The following BORCS5 variants were observed in gnomAD, a reference collection of about 807,000 sequenced individuals.
BORCS5 encodes the protein BLOC-1 related complex subunit 5.
In BORCS5, 17 loss-of-function variants were observed where a neutral mutation model predicts 22.1. That is an observed-to-expected ratio of 0.77 (90% CI 0.53 to 1.15). BORCS5 has a LOEUF of 1.15. BORCS5 is among the 50% of genes most tolerant of loss of function. The pLI is 0.00. For missense variants in BORCS5, 247 were observed against 253.2 expected (o/e 0.98, Z 0.17); for synonymous variants, 117 against 99.8 (o/e 1.17, Z -1.03).
chr12:12,370,438 C>T (rs1442848430), intron 2 of BORCS5, among the ~76,000 whole-genome samples: 1 of 152,122 alleles, frequency 6.6e-6, no homozygotes, highest in Non-Finnish European at 1.5e-5. Context: ...TCCATGAAAT[C>T]TCATTTTTTA....
At chr12:12,419,468 A>C (rs904328071) in intron 2 of BORCS5, among the ~76,000 whole-genome samples, 17 of 152,180 alleles carry the variant, frequency 1.1e-4, no homozygotes, top group African/African-American at 3.9e-4. Flanking sequence ...GGTTGGTTCC[A>C]AGTCTTTGCT....
chr12:12,362,235 A>G (rs1863302433), intron 2 of BORCS5, among the ~76,000 whole-genome samples: 1 of 152,198 alleles, frequency 6.6e-6, no homozygotes, highest in African/African-American at 2.4e-5. Flanking sequence ...AGCCTTTTAT[A>G]AGGCAGCTGG....
In BORCS5 at chr12:12,465,566, T is replaced by C. The variant is rs766389800; in HGVS notation, c.381T>C (p.Thr127=). The C allele has an allele frequency of 1.2e-6, 2 of 1,614,150 alleles. No homozygotes were observed. The highest frequency in any genetic ancestry group is 1.1e-5 in the South Asian group (1 of 91,074). ...CACAGATGGATCTGTCTGTAGAAAC[T>C]CTGTTCAGCTTCATGCAGGAGCGCC... is the stretch of plus-strand genomic sequence containing the variant. The part of the protein sequence containing the change: ...RIKEMDLSVE[T]LFSFMQERQK... Residue 127 remains threonine (T), a synonymous_variant, in exon 4 of 4, where the codon ACT becomes ACC. Coordinates refer to ENST00000314565, the MANE Select transcript of BORCS5 (RefSeq NM_058169.6).
At chr12:12,424,164 C>G (rs1446179697) in intron 2 of BORCS5, among the ~76,000 whole-genome samples, 1 of 152,106 alleles carries the variant, frequency 6.6e-6, no homozygotes, top group African/African-American at 2.4e-5. Flanking sequence ...TTTTGGGACT[C>G]CCACAATGCA....
At chr12:12,365,212 G>T (rs1863379033) in intron 2 of BORCS5, among the ~76,000 whole-genome samples, 1 of 152,066 alleles carries the variant, frequency 6.6e-6, no homozygotes, top group African/African-American at 2.4e-5. Context: ...TCGGGGATTT[G>T]GTTAAGGAAG....
chr12:12,466,066 A>C lies in BORCS5; in HGVS notation c.*290A>C, dbSNP rs1943196490. 5.1e-6 allele frequency: 1 copy of C among 194,968 alleles called. No individual in the cohort carries two copies. Among genetic ancestry groups the C allele is most frequent in the Non-Finnish European group, 8.6e-6 (1 of 115,974 alleles). The allele number at this position is 194,968 out of a possible 1,614,324, so 12.1% of individuals were successfully genotyped here. On this transcript the variant is annotated 3_prime_UTR_variant, in exon 4 of 4. Transcript: ENST00000314565. Reference sequence around the variant, plus strand: ...TCTGCATTGAGAATTATTTTTATTTAGTTTTTTTTTTTTTTTAATTGAGAG... The same window carrying C: ...TCTGCATTGAGAATTATTTTTATTTCGTTTTTTTTTTTTTTTAATTGAGAG...
rs1012615746 is a variant in BORCS5 at position 12,357,233 on chromosome 12, G to C, written c.-219G>C. 12 of 1,474,100 alleles carry C rather than the reference G, an allele frequency of 8.1e-6. No homozygotes were observed. In the East Asian group the frequency reaches 9.9e-5, roughly 12 times the overall value. 91.3% of individuals were successfully genotyped at this position (1,474,100 alleles called of 1,614,324 possible). A position where few individuals can be genotyped will look rare whatever the true frequency, so the allele number is the denominator to read the frequency against. On this transcript the variant is annotated 5_prime_UTR_variant, in exon 1 of 4. Transcript: ENST00000314565. ...GGCTAGCCGCGTGCGTTCGCGCCGC[G>C]CCTCCTTGCGTTTCTGTTCCCCAAA...
At chr12:12,372,944 TCTAA>T (rs1863562374) in intron 2 of BORCS5, among the ~76,000 whole-genome samples, 1 of 152,198 alleles carries the variant, frequency 6.6e-6, no homozygotes, top group Non-Finnish European at 1.5e-5. Flanking sequence ...TTGCTCTCTC[TCTAA>T]CTCAGTGAGG....
rs1720756633 is a variant in BORCS5 at position 12,469,088 on chromosome 12, C to A, written c.*3312C>A. On this transcript the variant is annotated 3_prime_UTR_variant, in exon 4 of 4. Transcript: ENST00000314565. ...TGAGTTTAGGCCGGGCGCGGTGGCT[C>A]ACACCTGTAATCCCAGCACTTTGGG... 6.6e-6 allele frequency: 1 copy of A among 152,188 alleles called. No individual in the cohort carries two copies. The highest frequency in any genetic ancestry group is 1.5e-5 in the Non-Finnish European group (1 of 68,080). The allele number at this position is 152,188 out of a possible 1,614,324, so 9.4% of individuals were successfully genotyped here.
intron 3 of BORCS5, among the ~76,000 whole-genome samples, chr12:12,451,910 CT>C (rs1248671320): frequency 2.4e-5 from 3 of 127,434 alleles, no homozygotes; most frequent in African/African-American, 9.5e-5. Context: ...GAGCGAGACT[CT>C]TTCTCAAAAA....
At chr12:12,445,871 T>TGGCCTCAAGCAGTCCTCCC (rs1434666466) in intron 3 of BORCS5, among the ~76,000 whole-genome samples, 2 of 151,046 alleles carry the variant, frequency 1.3e-5, no homozygotes, top group Admixed American at 6.6e-5. Context: ...CTTGAACTCC[T>TGGCCTCAAGCAGTCCTCCC]GGCCTCAAGC....
At chr12:12,416,958 T>A (rs889476892) in intron 2 of BORCS5, among the ~76,000 whole-genome samples, 1 of 138,916 alleles carries the variant, frequency 7.2e-6, no homozygotes, top group Non-Finnish European at 1.5e-5. Flanking sequence ...CTTTTTGTAT[T>A]TTTTTTTTTT....
At chr12:12,436,585 C>T (rs912828735) in intron 3 of BORCS5, among the ~76,000 whole-genome samples, 1 of 152,238 alleles carries the variant, frequency 6.6e-6, no homozygotes, top group African/African-American at 2.4e-5. Flanking sequence ...GAAACCACTT[C>T]TGTGAATGGC....
At chr12:12,420,222 A>G (rs577031027) in intron 2 of BORCS5, among the ~76,000 whole-genome samples, 6 of 150,464 alleles carry the variant, frequency 4.0e-5, no homozygotes, top group African/African-American at 1.5e-4. Flanking sequence ...TAATTTTTGT[A>G]TAAGGTGTAA....
chr12:12,389,444 AT>A (rs1863953699), intron 2 of BORCS5, among the ~76,000 whole-genome samples: 3 of 150,768 alleles, frequency 2.0e-5, no homozygotes, highest in Admixed American at 1.3e-4. Flanking sequence ...AGCCAAATAA[AT>A]ATATTTTTAA....
intron 2 of BORCS5, among the ~76,000 whole-genome samples, chr12:12,363,863 C>G (rs1033236100): frequency 2.0e-5 from 3 of 151,788 alleles, no homozygotes; most frequent in Admixed American, 6.6e-5. Context: ...CCACTTCATT[C>G]CAGCTTGGGC....
chr12:12,446,149 A>G (rs1942784350), intron 3 of BORCS5, among the ~76,000 whole-genome samples: 1 of 152,184 alleles, frequency 6.6e-6, no homozygotes, highest in African/African-American at 2.4e-5. Flanking sequence ...ATATCACTAC[A>G]AAACAGACAA....
intron 2 of BORCS5, among the ~76,000 whole-genome samples, chr12:12,399,037 C>T (rs942458080): frequency 2.0e-5 from 3 of 152,074 alleles, no homozygotes; most frequent in Admixed American, 2.0e-4. Context: ...CCAGTCTCTG[C>T]GATGGCCAGG....
At chr12:12,385,039 A>G (rs1307313274) in intron 2 of BORCS5, among the ~76,000 whole-genome samples, 2 of 151,442 alleles carry the variant, frequency 1.3e-5, no homozygotes, top group African/African-American at 4.9e-5. Flanking sequence ...GGCTTCTGTC[A>G]TCTGTAAATG....
Sources: gnomAD v4.1 joint callset for allele counts (sites outside exome capture counted in the v4.1 genomes callset) on GRCh38, gnomAD v4.1.1 for gene constraint, MANE v1.5 for transcripts, NCBI Gene and HGNC (gene_info 2026-07-23, HGNC 2026-07-21) for gene names.